Variants in HEMGN observed in about 807,000 individuals in gnomAD.
HEMGN encodes the protein erythroid differentiation-associated gene protein.
A neutral mutation model predicts 45.7 loss-of-function variants in HEMGN; 32 were observed. The observed-to-expected ratio is 0.70, with a 90% CI of 0.53 to 0.94. The LOEUF (loss-of-function observed/expected upper bound fraction) is 0.94. Among genes scored for constraint, HEMGN ranks in the 40% least tolerant of loss-of-function variants. The pLI, the probability that HEMGN is intolerant of heterozygous loss-of-function variation, is 0.00. For synonymous variants in HEMGN, 183 were observed against 178.6 expected (o/e 1.02, Z -0.20); for missense variants, 530 against 564.2 (o/e 0.94, Z 0.61).
chr9:97,929,915 A>G (rs1174232602), intron 3 of HEMGN, 120 bp downstream of exon 3: 3 of 745,470 alleles, frequency 4.0e-6, no homozygotes, highest in Non-Finnish European at 6.8e-6. Context: ...ACTTAAAACT[A>G]GTCAATGAAA....
intron 3 of HEMGN, 112 bp from the exon 4 acceptor site, chr9:97,927,590 G>A: frequency 1.6e-6 from 1 of 643,492 alleles, no homozygotes. Flanking sequence ...ACAAACCGTA[G>A]ATGGGGTAAA....
Position 97,930,358 on chromosome 9 carries a change from G to A in HEMGN, c.1037C>T (p.Thr346Ile), listed in dbSNP as rs1244509651. Residue 346 changes from threonine (T) to isoleucine (I), a missense_variant, in exon 3 of 4, where the codon ACA becomes ATA. By Grantham distance (89) the Thr-to-Ile change is moderately conservative. Coordinates refer to ENST00000616898, the MANE Select transcript of HEMGN (RefSeq NM_197978.3). The stretch of plus-strand genomic sequence containing the variant: ...AATTGAATAGTCTTCAGAATGAGGT[G>A]TTTCTTGGATTGTTTTATGAGAGGG... ...KAPSHKTIQETPHSEDYSIEI... is the reference protein window; with the variant it reads ...KAPSHKTIQEIPHSEDYSIEI... The A allele has an allele frequency of 1.2e-6, 2 of 1,613,430 alleles. No homozygotes were observed. Among genetic ancestry groups the A allele is most frequent in the Admixed American group, 1.7e-5 (1 of 59,880 alleles).
rs1388256584 is a variant in HEMGN, at chr9:97,930,745, T to G, written c.650A>C (p.Lys217Thr). ...VISVIQDHPFKMYQDMAKRED... is the reference protein window; with the variant it reads ...VISVIQDHPFTMYQDMAKRED... ...TCGTTTAGCCATATCTTGGTACATT[T>G]TGAAAGGATGGTCTTGAATTACAGA... The change falls in exon 3 of 4, where the codon AAA (lysine) becomes ACA (threonine). Residue 217 changes from lysine (K) to threonine (T), a missense_variant. Physicochemically the swap from Lys to Thr is moderately conservative, Grantham distance 78. Transcript: ENST00000616898. The G allele has an allele frequency of 1.2e-6, 2 of 1,614,060 alleles. No individual in the cohort carries two copies. The highest frequency in any genetic ancestry group is 2.7e-5 in the African/African-American group (2 of 74,936).
intron 3 of HEMGN, among the ~76,000 whole-genome samples, chr9:97,929,144 G>A (rs1039656020): frequency 1.3e-5 from 2 of 152,208 alleles, no homozygotes; most frequent in African/African-American, 4.8e-5. Context: ...AAGCAGTTAG[G>A]AATCAGGACG....
intron 3 of HEMGN, 43 bp from the exon 4 acceptor site, chr9:97,927,521 A>T (rs1483090338): frequency 1.6e-6 from 2 of 1,266,396 alleles, no homozygotes; most frequent in Non-Finnish European, 2.3e-6. Flanking sequence ...AATAAATTGT[A>T]TTGGGACAAT....
At chr9:97,942,132 T>C (rs967388094), upstream of HEMGN, among the ~76,000 whole-genome samples, 1 of 152,200 alleles carries the variant, frequency 6.6e-6, no homozygotes, top group African/African-American at 2.4e-5. Flanking sequence ...AGCAGACTTA[T>C]AACATAGCTA....
chr9:97,942,278 T>C (rs929186845), upstream of HEMGN, among the ~76,000 whole-genome samples: 13 of 147,558 alleles, frequency 8.8e-5, no homozygotes, highest in African/African-American at 3.2e-4. Context: ...TTCCTTCTTT[T>C]TTTTTTTTTT....
intron 2 of HEMGN, 141 bp downstream of exon 2, chr9:97,936,030 T>C (rs1827051556): frequency 1.6e-6 from 1 of 630,704 alleles, no homozygotes; most frequent in Non-Finnish European, 2.8e-6. Flanking sequence ...TCTCTGTTTT[T>C]CTGTAAAATA....
chr9:97,936,560 A>G lies in HEMGN; in HGVS notation c.80-296T>C, dbSNP rs1331832814. Among the ~76,000 whole-genome samples, 5 of 152,244 alleles carry G rather than the reference A, an allele frequency of 3.3e-5. No homozygotes were observed. In the East Asian group the frequency reaches 9.6e-4, roughly 29 times the overall value. ...TATATATTGTACAAATAATGAAAAA[A>G]GTAGCCATATTTTGCTGTCTTTAAC... On this transcript the variant is annotated intron_variant, in intron 1 of 3. Transcript: ENST00000616898.
intron 2 of HEMGN, among the ~76,000 whole-genome samples, chr9:97,932,737 G>C (rs1406216290): frequency 6.7e-6 from 1 of 148,792 alleles, no homozygotes; most frequent in Non-Finnish European, 1.5e-5. Context: ...CCAGGAGATG[G>C]AGGTTGCAGT....
At chr9:97,933,100 T>C (rs1473762263) in intron 2 of HEMGN, among the ~76,000 whole-genome samples, 1 of 152,206 alleles carries the variant, frequency 6.6e-6, no homozygotes, top group African/African-American at 2.4e-5. Flanking sequence ...GCCTAAACTT[T>C]AGTCTGTACT....
At position 97,930,465 on chromosome 9, in the gene HEMGN, A is replaced by G; in HGVS notation, c.930T>C (p.Leu310=). Residue 310 remains leucine (L), a synonymous_variant, in exon 3 of 4, where the codon CTT becomes CTC. Transcript: ENST00000616898. ...CTGATTCTTGGTGTGTTTTTGTAGA[A>G]AGGTCTTTAGGCTCAGCTATTTCTT... ...KIQEIAEPKD[L]STKTHQESAE... 1 of 1,614,088 alleles carries G rather than the reference A, an allele frequency of 6.2e-7. No individual in the cohort carries two copies. Among genetic ancestry groups the G allele is most frequent in the African/African-American group, 1.3e-5 (1 of 75,030 alleles).
At chr9:97,927,834 A>C (rs1587850267) in intron 3 of HEMGN, among the ~76,000 whole-genome samples, 3 of 152,164 alleles carry the variant, frequency 2.0e-5, no homozygotes, top group African/African-American at 7.2e-5. Context: ...GAGGTTTTTT[A>C]ATCGGAAAAA....
At chr9:97,937,524 AAAT>A (rs1388032334) in intron 1 of HEMGN, among the ~76,000 whole-genome samples, 16 of 152,068 alleles carry the variant, frequency 1.1e-4, no homozygotes, top group Non-Finnish European at 1.8e-4. Flanking sequence ...TGTAATCTAT[AAAT>A]AATCATATAT....
chr9:97,943,615 A>G (rs1827182372), intron 1 of HEMGN, among the ~76,000 whole-genome samples: 1 of 152,158 alleles, frequency 6.6e-6, no homozygotes, highest in Non-Finnish European at 1.5e-5. Context: ...AGTATAGACA[A>G]ACATCTCTGA....
chr9:97,940,651 G>T (rs191261331), upstream of HEMGN, among the ~76,000 whole-genome samples: 89 of 152,308 alleles, frequency 5.8e-4, 1 homozygote, highest in Middle Eastern at 3.4e-3. Context: ...CAGAATGTGT[G>T]TTAGGCATTA....
At chr9:97,932,832 G>C (rs1213682784) in intron 2 of HEMGN, among the ~76,000 whole-genome samples, 1 of 145,880 alleles carries the variant, frequency 6.9e-6, no homozygotes, top group Non-Finnish European at 1.5e-5. Context: ...GAAATCTAAA[G>C]ATGATGGTTA....
At chr9:97,927,538 T>G (rs1226228686) in intron 3 of HEMGN, 60 bp from the exon 4 acceptor site, 7 of 1,156,084 alleles carry the variant, frequency 6.1e-6, no homozygotes, top group African/African-American at 1.5e-5. Context: ...CAATTGACTC[T>G]CCATTTGGAG....
At position 97,930,700 on chromosome 9, in the gene HEMGN, A is replaced by G; in HGVS notation, c.695T>C (p.Met232Thr). The G allele has an allele frequency of 1.9e-6, 3 of 1,614,186 alleles. No homozygotes were observed. Among genetic ancestry groups the G allele is most frequent in the Non-Finnish European group, 2.5e-6 (3 of 1,180,036 alleles). Reference sequence around the variant, plus strand: ...TTTGGGTACAGCAGCTTCTTGGCACATTTTAGGAGCCAGATCTTCTCGTTT... The same window carrying G: ...TTTGGGTACAGCAGCTTCTTGGCACGTTTTAGGAGCCAGATCTTCTCGTTT... ...MAKREDLAPKMCQEAAVPKIL... is the reference protein window; with the variant it reads ...MAKREDLAPKTCQEAAVPKIL... Residue 232 changes from methionine (M) to threonine (T), a missense_variant, in exon 3 of 4, where the codon ATG becomes ACG. Coordinates refer to ENST00000616898, the MANE Select transcript of HEMGN (RefSeq NM_197978.3).
Sources: gnomAD v4.1 joint callset for allele counts (sites outside exome capture counted in the v4.1 genomes callset) on GRCh38, gnomAD v4.1.1 for gene constraint, MANE v1.5 for transcripts, NCBI Gene and HGNC (gene_info 2026-07-23, HGNC 2026-07-21) for gene names.